PARD3B: variants seen among roughly 807,000 people sequenced by gnomAD.
The protein encoded by PARD3B is par-3 family cell polarity regulator beta, also known as partitioning defective 3 homolog B.
Under a neutral mutation model 130.2 loss-of-function variants are expected in PARD3B, and 103 were observed. The observed-to-expected ratio is 0.79, with a 90% CI of 0.67 to 0.93. The LOEUF (loss-of-function observed/expected upper bound fraction) is 0.93, where lower values mean the gene tolerates loss of function less well. Ranked by LOEUF, PARD3B falls within the 40% of genes least tolerant of loss-of-function variation. The probability of loss-of-function intolerance (pLI) is 0.00; values close to 1 mark genes in which losing one functional copy is unlikely to be tolerated. For missense variants in PARD3B, 1,609 were observed against 1,499.2 expected (o/e 1.07, Z -1.21); for synonymous variants, 583 against 553.2 (o/e 1.05, Z -0.76).
Position 205,558,340 on chromosome 2 carries a change from C to A in PARD3B, c.3260+4937C>A, listed in dbSNP as rs913445058. Reference sequence around the variant, plus strand: ...CATGGCATGACAGCAGCACCCTATTCGCAGGTGGGAGAGATCCAGAGATAC... The same window carrying A: ...CATGGCATGACAGCAGCACCCTATTAGCAGGTGGGAGAGATCCAGAGATAC... On this transcript the variant is annotated intron_variant, in intron 22 of 22. Transcript: ENST00000406610. This position sits in a 1 kb window ranked among gnomAD's most constrained non-coding sequence, Gnocchi z 4.8. Among the ~76,000 whole-genome samples, 1 of 152,078 alleles carries A rather than the reference C, an allele frequency of 6.6e-6. No homozygotes were observed. Among genetic ancestry groups the A allele is most frequent in the African/African-American group, 2.4e-5 (1 of 41,396 alleles).
Position 205,523,673 on chromosome 2 carries a change from A to AGAAGGTGTATATTTTTAAAATATTTTT in PARD3B, c.3180+23643_3180+23669dup, listed in dbSNP as rs532787631. ...ATTTAATATACAGTTGTGTTTCTAAAGAAGGTGTATATTTTTAAAATATTT... is the reference window on the plus strand; with the variant it reads ...ATTTAATATACAGTTGTGTTTCTAAAGAAGGTGTATATTTTTAAAATATTTTTGAAGGTGTATATTTTTAAAATATTT... On this transcript the variant is annotated intron_variant, in intron 21 of 22. Transcript: ENST00000406610. Among the ~76,000 whole-genome samples the AGAAGGTGTATATTTTTAAAATATTTTT allele has an allele frequency of 1.3e-4, 20 of 151,664 alleles. No individual in the cohort carries two copies. In the East Asian group the frequency reaches 3.7e-3, roughly 28 times the overall value.
intron 2 of PARD3B, among the ~76,000 whole-genome samples, chr2:204,748,097 C>G (rs965583811): frequency 6.6e-6 from 1 of 151,920 alleles, no homozygotes; most frequent in African/African-American, 2.4e-5. Flanking sequence ...CTGATAATAT[C>G]TATCATGTAG....
Position 204,664,439 on chromosome 2 carries a change from A to G in PARD3B, c.121-21742A>G, listed in dbSNP as rs921526157. ...ATAAAATTTTTGCCAGACGGGGCAT[A>G]ACTAAATGCTTACCACCCTCCCTGA... On this transcript the variant is annotated intron_variant, in intron 1 of 22. Transcript: ENST00000406610. The surrounding 1 kb of genome is among the most constrained non-coding windows in gnomAD (Gnocchi z 5.2). Among the ~76,000 whole-genome samples the G allele has an allele frequency of 6.6e-6, 1 of 152,208 alleles. No individual in the cohort carries two copies. The highest frequency in any genetic ancestry group is 2.4e-5 in the African/African-American group (1 of 41,454).
intron 4 of PARD3B, among the ~76,000 whole-genome samples, chr2:205,059,608 TATAGTTTTCTGC>T (rs145845854): frequency 0.017 from 2,576 of 152,178 alleles, 39 homozygotes; most frequent in African/African-American, 0.04. Context: ...CACCCCATGT[TATAGTTTTCTGC>T]ATATGTCTCC....
chr2:204,977,811 CAA>C (rs35974349), intron 3 of PARD3B, among the ~76,000 whole-genome samples: 12 of 59,056 alleles, frequency 2.0e-4, no homozygotes, highest in Admixed American at 4.3e-4. Flanking sequence ...GACTCCGGCT[CAA>C]AAAAAAAAAA....
chr2:205,411,254 T>C (rs1666823945), intron 19 of PARD3B, among the ~76,000 whole-genome samples: 2 of 152,160 alleles, frequency 1.3e-5, no homozygotes, highest in African/African-American at 4.8e-5. Context: ...ATAGATATAA[T>C]AGAAATATAC....
At chr2:204,612,119 G>A (rs1407286746) in intron 1 of PARD3B, among the ~76,000 whole-genome samples, 1 of 152,222 alleles carries the variant, frequency 6.6e-6, no homozygotes, top group African/African-American at 2.4e-5. Context: ...ATTTATAGGA[G>A]TATGTGCAGA....
Position 204,671,438 on chromosome 2 carries a change from G to A in PARD3B, c.121-14743G>A, listed in dbSNP as rs569603118. Reference sequence around the variant, plus strand: ...TTCACCATTTTCAGCCCCCACCTTCGTCTACTTTTCATGATACCTGGGGTC... The same window carrying A: ...TTCACCATTTTCAGCCCCCACCTTCATCTACTTTTCATGATACCTGGGGTC... On this transcript the variant is annotated intron_variant, in intron 1 of 22. Transcript: ENST00000406610. Among the ~76,000 whole-genome samples, 12 of 152,212 alleles carry A rather than the reference G, an allele frequency of 7.9e-5. No homozygotes were observed. The East Asian group carries it at 1.9e-3, about 25-fold the overall frequency.
chr2:205,221,800 A>G (rs1334306426), intron 15 of PARD3B, among the ~76,000 whole-genome samples: 1 of 152,152 alleles, frequency 6.6e-6, no homozygotes, highest in Non-Finnish European at 1.5e-5. Flanking sequence ...CAATGCCAAC[A>G]GTAGTCCATG....
Position 205,572,332 on chromosome 2 carries a change from C to T in PARD3B, c.3260+18929C>T, listed in dbSNP as rs926271913. On this transcript the variant is annotated intron_variant, in intron 22 of 22. Transcript: ENST00000406610. The surrounding 1 kb of genome is among the most constrained non-coding windows in gnomAD (Gnocchi z 4.2). ...AAGATGTGTAGCACTTTATACAACACGCTAGGGACTTTGACTCTACCCAGA... is the reference window on the plus strand; with the variant it reads ...AAGATGTGTAGCACTTTATACAACATGCTAGGGACTTTGACTCTACCCAGA... 5.9e-5 allele frequency among the ~76,000 whole-genome samples: 9 copies of T among 152,192 alleles called. No individual in the cohort carries two copies. The highest frequency in any genetic ancestry group is 2.2e-4 in the African/African-American group (9 of 41,456).
intron 2 of PARD3B, among the ~76,000 whole-genome samples, chr2:204,961,051 G>C (rs542234440): frequency 6.6e-6 from 1 of 152,190 alleles, no homozygotes; most frequent in East Asian, 1.9e-4. Context: ...GGAGTCCTGA[G>C]AACAAGGGGC....
At chr2:205,607,517 G>T (rs1205325752) in intron 22 of PARD3B, among the ~76,000 whole-genome samples, 2 of 152,120 alleles carry the variant, frequency 1.3e-5, no homozygotes, top group Non-Finnish European at 2.9e-5. Context: ...TCATCTGAAA[G>T]CCAGGGATAA....
At chr2:204,662,440 G>T (rs1356939712) in intron 1 of PARD3B, among the ~76,000 whole-genome samples, 1 of 152,084 alleles carries the variant, frequency 6.6e-6, no homozygotes, top group East Asian at 1.9e-4. Flanking sequence ...TAACCAGTCT[G>T]GAAAACCATC....
At chr2:204,932,763 A>G (rs1021631601) in intron 2 of PARD3B, among the ~76,000 whole-genome samples, 1 of 152,196 alleles carries the variant, frequency 6.6e-6, no homozygotes, top group African/African-American at 2.4e-5. Context: ...AAATAAACAG[A>G]CAAAACCATC....
At chr2:205,394,994 A>T (rs849233) in intron 18 of PARD3B, among the ~76,000 whole-genome samples, 127,532 of 152,164 alleles carry the variant, frequency 0.84, 54,963 homozygotes, top group East Asian at 0.97. Flanking sequence ...AAAATGGTAA[A>T]TTTTATGTTA....
At chr2:204,771,458 C>G (rs1322591705) in intron 2 of PARD3B, among the ~76,000 whole-genome samples, 2 of 151,942 alleles carry the variant, frequency 1.3e-5, no homozygotes, top group African/African-American at 2.4e-5. Flanking sequence ...TGTCATAGCA[C>G]CATTTAAAAT....
chr2:204,770,476 T>C (rs1262027869), intron 2 of PARD3B, among the ~76,000 whole-genome samples: 1 of 151,458 alleles, frequency 6.6e-6, no homozygotes, highest in South Asian at 2.1e-4. Context: ...AAATGTATAT[T>C]CTGTTGATTT....
chr2:205,205,040 A>ATT (rs1195204404), intron 15 of PARD3B, among the ~76,000 whole-genome samples: 2 of 152,182 alleles, frequency 1.3e-5, no homozygotes, highest in African/African-American at 2.4e-5. Flanking sequence ...TACTTTGGGC[A>ATT]GTATGGCCAT....
chr2:205,489,823 G>A (rs2049622201), intron 20 of PARD3B, among the ~76,000 whole-genome samples: 1 of 151,988 alleles, frequency 6.6e-6, no homozygotes, highest in Admixed American at 6.6e-5. Context: ...TCACTCCTAA[G>A]GTATTTCTCC....
Sources: gnomAD v4.1 joint callset for allele counts (sites outside exome capture counted in the v4.1 genomes callset) on GRCh38, gnomAD v4.1.1 for gene constraint, Gnocchi (gnomAD v3.1) non-coding constraint, MANE v1.5 for transcripts, NCBI Gene and HGNC (gene_info 2026-07-23, HGNC 2026-07-21) for gene names.